The following SH2D3C variants were observed in gnomAD, a reference collection of about 807,000 sequenced individuals.
SH2D3C encodes the protein SH2 domain-containing protein 3C.
Under a neutral mutation model 75.2 loss-of-function variants are expected in SH2D3C, and 25 were observed. The observed-to-expected ratio is 0.33, with a 90% CI of 0.24 to 0.46. The LOEUF (loss-of-function observed/expected upper bound fraction) is 0.46. Among genes scored for constraint, SH2D3C ranks in the 20% least tolerant of loss-of-function variants. SH2D3C has a pLI of 1.00. For synonymous variants in SH2D3C, 450 were observed against 473.7 expected (o/e 0.95, Z 0.65); for missense variants, 933 against 1,165.3 (o/e 0.80, Z 2.90).
intron 2 of SH2D3C, among the ~76,000 whole-genome samples, chr9:127,762,683 C>A (rs1845558017): frequency 3.9e-5 from 6 of 152,220 alleles, no homozygotes. Flanking sequence ...AGCAGAGGAG[C>A]CTTCCCTCGG....
At chr9:127,750,047 A>G (rs1418266730) in intron 4 of SH2D3C, among the ~76,000 whole-genome samples, 1 of 151,856 alleles carries the variant, frequency 6.6e-6, no homozygotes, top group Non-Finnish European at 1.5e-5. Flanking sequence ...TCTTCCAACC[A>G]CCCAGTGCTC....
rs1845199472 is a variant in SH2D3C at position 127,751,449 on chromosome 9, A to C, written c.556-149T>G. 2 of 746,390 alleles carry C rather than the reference A, an allele frequency of 2.7e-6. No individual in the cohort carries two copies. The highest frequency in any genetic ancestry group is 1.8e-5 in the African/African-American group (1 of 57,028). The allele number at this position is 746,390 out of a possible 1,614,324, so 46.2% of individuals were successfully genotyped here. ...TGCCAGACCCTTTCCCATGGGTCCC[A>C]GAAAGAGTAAAGAAATCTCAATTCC... On this transcript the variant is annotated intron_variant, in intron 3 of 11. Transcript: ENST00000314830. The surrounding 1 kb of genome is among the most constrained non-coding windows in gnomAD (Gnocchi z 4.1).
chr9:127,772,231 T>C (rs1021099840), intron 2 of SH2D3C, among the ~76,000 whole-genome samples: 3 of 148,258 alleles, frequency 2.0e-5, no homozygotes, highest in Non-Finnish European at 4.5e-5. Context: ...TTACTTTTGC[T>C]CAGGTGGCTT....
At chr9:127,753,359 G>A (rs527608616) in intron 3 of SH2D3C, among the ~76,000 whole-genome samples, 1 of 152,110 alleles carries the variant, frequency 6.6e-6, no homozygotes, top group Non-Finnish European at 1.5e-5. Flanking sequence ...GGATGATTGG[G>A]ACATGCTCTG....
At chr9:127,766,191 A>G (rs1845630777) in intron 2 of SH2D3C, among the ~76,000 whole-genome samples, 1 of 152,144 alleles carries the variant, frequency 6.6e-6, no homozygotes, top group Non-Finnish European at 1.5e-5. Context: ...CTCTTTCATG[A>G]TAGTGACCTG....
intron 3 of SH2D3C, among the ~76,000 whole-genome samples, chr9:127,757,463 C>T (rs1239839486): frequency 6.6e-6 from 1 of 150,882 alleles, no homozygotes; most frequent in East Asian, 2.0e-4. Context: ...CATGGTCTCA[C>T]TCTGTCACCC....
chr9:127,743,137 G>A (rs755126108), intron 7 of SH2D3C, among the ~76,000 whole-genome samples, 173 bp from the exon 8 acceptor site: 10 of 152,170 alleles, frequency 6.6e-5, no homozygotes, highest in Non-Finnish European at 1.5e-4. Flanking sequence ...CTTTCTCAGC[G>A]AGCCTCAGTT....
Position 127,745,044 on chromosome 9 carries a change from G to A in SH2D3C, c.1320C>T (p.Ser440=), listed in dbSNP as rs1459763635. The A allele has an allele frequency of 1.3e-6, 2 of 1,511,858 alleles. No individual in the cohort carries two copies. The highest frequency in any genetic ancestry group is 1.8e-6 in the Non-Finnish European group (2 of 1,130,926). 93.7% of individuals were successfully genotyped at this position (1,511,858 alleles called of 1,614,324 possible). A position where few individuals can be genotyped will look rare whatever the true frequency, so the allele number is the denominator to read the frequency against. Residue 440 remains serine, a synonymous_variant, in exon 7 of 12, where the codon TCC becomes TCT. Coordinates refer to ENST00000314830, the MANE Select transcript of SH2D3C (RefSeq NM_170600.3). Reference sequence around the variant, plus strand: ...GCTCACTGGAACGGCGGGCGACAGGGGAGGCAGGCAATGCTGTGGCAGAAG... The same window carrying A: ...GCTCACTGGAACGGCGGGCGACAGGAGAGGCAGGCAATGCTGTGGCAGAAG... The part of the protein sequence containing the change: ...AAPSATALPA[S]PVARRSSEPQ...
chr9:127,771,065 A>T, intron 2 of SH2D3C: 1 of 696,374 alleles, frequency 1.4e-6, no homozygotes, highest in Non-Finnish European at 2.3e-6. Flanking sequence ...AAACTGGCTT[A>T]GAAAAGTCCC....
chr9:127,743,275 G>A lies in SH2D3C; in HGVS notation c.1801-311C>T, dbSNP rs544463823. ...GCCAGCACTTTGGGAGGCCAAGGTGGGCGGATCGCCTGAGGTCAGGAGTTC... is the reference window on the plus strand; with the variant it reads ...GCCAGCACTTTGGGAGGCCAAGGTGAGCGGATCGCCTGAGGTCAGGAGTTC... On this transcript the variant is annotated intron_variant, in intron 7 of 11. Transcript: ENST00000314830. Among the ~76,000 whole-genome samples, 14 of 152,330 alleles carry A rather than the reference G, an allele frequency of 9.2e-5. No individual in the cohort carries two copies. The South Asian group carries it at 2.9e-3, about 32-fold the overall frequency.
chr9:127,777,953 TA>T (rs59714883), intron 1 of SH2D3C, among the ~76,000 whole-genome samples: 6,660 of 137,970 alleles, frequency 0.048, 433 homozygotes, highest in African/African-American at 0.15. Flanking sequence ...CCCCGGTCTC[TA>T]AAAAAAAAAA....
chr9:127,765,525 G>T (rs1368325502), intron 2 of SH2D3C, among the ~76,000 whole-genome samples: 3 of 152,224 alleles, frequency 2.0e-5, no homozygotes, highest in Non-Finnish European at 4.4e-5. Context: ...CCCAGCCTCT[G>T]CTGGTCAAAT....
At chr9:127,764,861 C>T (rs1845604067) in intron 2 of SH2D3C, among the ~76,000 whole-genome samples, 1 of 152,174 alleles carries the variant, frequency 6.6e-6, no homozygotes, top group African/African-American at 2.4e-5. Context: ...GTGACCACCA[C>T]CACGCCGGGC....
In SH2D3C at chr9:127,744,816, C is replaced by T; in HGVS notation, c.1548G>A (p.Gln516=). 6.2e-7 allele frequency: 1 copy of T among 1,614,222 alleles called. No homozygotes were observed. The highest frequency in any genetic ancestry group is 8.5e-7 in the Non-Finnish European group (1 of 1,180,038). The part of the protein sequence containing the change: ...REWAATETSS[Q]QARSYGERLK... The stretch of plus-strand genomic sequence containing the variant: ...GCCTCTCCCCATAGCTCCTGGCCTG[C>T]TGGCTGGAGGTCTCAGTCGCTGCCC... Residue 516 remains glutamine (Q), a synonymous_variant, in exon 7 of 12, where the codon CAG becomes CAA. Transcript: ENST00000314830.
intron 2 of SH2D3C, chr9:127,762,185 A>C: frequency 8.4e-7 from 1 of 1,183,868 alleles, no homozygotes; most frequent in Non-Finnish European, 1.1e-6. Flanking sequence ...CTGCGGAGCC[A>C]CTGCCGGTGC....
chr9:127,767,458 C>T (rs776411242), intron 2 of SH2D3C: 51 of 297,544 alleles, frequency 1.7e-4, no homozygotes, highest in South Asian at 1.3e-4. Context: ...CTTACATGGG[C>T]GGACTCCCCC....
At chr9:127,766,877 TC>T in intron 2 of SH2D3C, 3 of 1,485,520 alleles carry the variant, frequency 2.0e-6, no homozygotes, top group Non-Finnish European at 2.7e-6. Flanking sequence ...CTTCTTTCCT[TC>T]CTTCACGCCC....
intron 7 of SH2D3C, among the ~76,000 whole-genome samples, chr9:127,743,324 G>A (rs922548727): frequency 5.9e-5 from 9 of 152,138 alleles, no homozygotes; most frequent in Non-Finnish European, 1.2e-4. Flanking sequence ...CCAACATGGC[G>A]AAACCCCATC....
intron 2 of SH2D3C, among the ~76,000 whole-genome samples, chr9:127,762,624 G>A (rs1271022291): frequency 2.6e-5 from 4 of 152,150 alleles, no homozygotes; most frequent in East Asian, 1.9e-4. Context: ...AATCCTCTCC[G>A]CATGTCCACC....
Sources: gnomAD v4.1 joint callset for allele counts (sites outside exome capture counted in the v4.1 genomes callset) on GRCh38, gnomAD v4.1.1 for gene constraint, Gnocchi (gnomAD v3.1) non-coding constraint, MANE v1.5 for transcripts, NCBI Gene and HGNC (gene_info 2026-07-23, HGNC 2026-07-21) for gene names.